ASIC2: variants seen among roughly 807,000 people sequenced by gnomAD.
The protein encoded by ASIC2 is acid-sensing ion channel 2.
Under a neutral mutation model 57.3 loss-of-function variants are expected in ASIC2, and 25 were observed. The observed-to-expected ratio is 0.44, with a 90% CI of 0.32 to 0.61. The LOEUF is 0.61. Among genes scored for constraint, ASIC2 ranks in the 20% least tolerant of loss-of-function variants. The pLI is 0.06. For missense variants in ASIC2, 641 were observed against 738.1 expected (o/e 0.87, Z 1.52); for synonymous variants, 319 against 307.5 (o/e 1.04, Z -0.39).
At chr17:33,831,643 T>C (rs1056400947) in intron 1 of ASIC2, among the ~76,000 whole-genome samples, 1 of 151,666 alleles carries the variant, frequency 6.6e-6, no homozygotes, top group African/African-American at 2.4e-5. Flanking sequence ...CTACTCCTGA[T>C]TTGATTTGGG....
At chr17:33,357,222 A>T (rs1908420010) in intron 1 of ASIC2, among the ~76,000 whole-genome samples, 1 of 152,058 alleles carries the variant, frequency 6.6e-6, no homozygotes, top group Non-Finnish European at 1.5e-5. Flanking sequence ...TCACCATCAG[A>T]TCTGAACTCC....
intron 1 of ASIC2, among the ~76,000 whole-genome samples, chr17:33,319,108 T>C (rs892508859): frequency 5.9e-5 from 9 of 152,172 alleles, no homozygotes; most frequent in Non-Finnish European, 8.8e-5. Context: ...CACATGCCTG[T>C]AGTCCCAGCT....
chr17:33,587,640 A>T (rs719464), intron 1 of ASIC2, among the ~76,000 whole-genome samples: 75,096 of 151,756 alleles, frequency 0.49, 19,089 homozygotes, highest in African/African-American at 0.62. Context: ...GTCATGATTC[A>T]TGCCTTGAGG....
intron 1 of ASIC2, among the ~76,000 whole-genome samples, chr17:33,595,101 C>T (rs1251843804): frequency 6.6e-6 from 1 of 152,074 alleles, no homozygotes; most frequent in Non-Finnish European, 1.5e-5. Context: ...CGGCAAGTAC[C>T]TGTGGTTCCA....
chr17:33,910,392 C>A (rs982978340), intron 1 of ASIC2, among the ~76,000 whole-genome samples: 13 of 152,108 alleles, frequency 8.5e-5, no homozygotes, highest in African/African-American at 3.1e-4. Context: ...AGCCAGGGAG[C>A]AAACCCAAGC....
chr17:34,156,047 A>G lies in ASIC2; in HGVS notation c.486T>C (p.His162=). 1 of 1,613,982 alleles carries G rather than the reference A, an allele frequency of 6.2e-7. No homozygotes were observed. Among genetic ancestry groups the G allele is most frequent in the Non-Finnish European group, 8.5e-7 (1 of 1,180,010 alleles). The stretch of plus-strand genomic sequence containing the variant: ...AGTAGAGCATCATATCCTTCAGGTC[A>G]TGGCCCACACGGTGCAGGAACTCCA... The change falls in exon 1 of 10, where the codon CAT becomes CAC. Residue 162 remains histidine, a synonymous_variant. Coordinates refer to the ASIC2 transcript ENST00000359872. This position sits in a 1 kb window ranked among gnomAD's most constrained non-coding sequence, Gnocchi z 4.4.
chr17:33,999,751 A>G (rs553512779), intron 1 of ASIC2, among the ~76,000 whole-genome samples: 86 of 152,242 alleles, frequency 5.6e-4, no homozygotes, highest in African/African-American at 2.0e-3. Context: ...TTATTTTAAT[A>G]TCTTTTCCTT....
rs1258346130 is a variant in ASIC2 at position 33,537,998 on chromosome 17, G to GA, written c.556-425932_556-425931insT. Among the ~76,000 whole-genome samples the GA allele has an allele frequency of 9.2e-5, 14 of 152,336 alleles. No individual in the cohort carries two copies. In the East Asian group the frequency reaches 2.1e-3, roughly 23 times the overall value. On this transcript the variant is annotated intron_variant, in intron 1 of 9. Transcript: ENST00000359872. ...AGTTACTTAACCTCTCTGATTCTCA[G>GA]TTTTCTCTGTAGAAAAGGGTTAATG...
At position 33,198,283 on chromosome 17, in the gene ASIC2, T is replaced by C. The variant is rs147484218; in HGVS notation, c.709-86216A>G. Among the ~76,000 whole-genome samples, 1,405 of 152,246 alleles carry C rather than the reference T, an allele frequency of 9.2e-3. 10 individuals carry two copies. The highest frequency in any genetic ancestry group is 0.02 in the South Asian group (95 of 4,818). On this transcript the variant is annotated intron_variant, in intron 1 of 9. Coordinates refer to ENST00000225823, the MANE Select transcript of ASIC2 (RefSeq NM_183377.2). ...GGGAGGATCCCTTGAACTCGGGAGGTCCAGACTGCAGGGAGCCATGTTTGC... is the reference window on the plus strand; with the variant it reads ...GGGAGGATCCCTTGAACTCGGGAGGCCCAGACTGCAGGGAGCCATGTTTGC...
At chr17:33,746,515 T>C (rs944129863) in intron 1 of ASIC2, among the ~76,000 whole-genome samples, 34 of 151,514 alleles carry the variant, frequency 2.2e-4, no homozygotes, top group African/African-American at 8.0e-4. Flanking sequence ...TATGTGTGTG[T>C]ATATATGTGT....
chr17:33,779,325 C>T (rs1484082217), intron 1 of ASIC2, among the ~76,000 whole-genome samples: 1 of 152,118 alleles, frequency 6.6e-6, no homozygotes, highest in Non-Finnish European at 1.5e-5. Context: ...AGATTTATCT[C>T]AACCGCTCAA....
intron 1 of ASIC2, chr17:34,071,902 A>T (rs1365661601): frequency 6.6e-6 from 1 of 152,244 alleles, no homozygotes. Flanking sequence ...GGCTAAGAAA[A>T]AAAGAATGTC....
chr17:33,749,351 C>T (rs1255168624), intron 1 of ASIC2, among the ~76,000 whole-genome samples: 1 of 151,746 alleles, frequency 6.6e-6, no homozygotes, highest in East Asian at 2.0e-4. Flanking sequence ...GGGAGGAGAG[C>T]GGCGAGGCGT....
chr17:33,171,896 C>A (rs1905535708), intron 1 of ASIC2, among the ~76,000 whole-genome samples: 2 of 152,232 alleles, frequency 1.3e-5, no homozygotes, highest in Admixed American at 1.3e-4. Context: ...GAAAGCCCTT[C>A]TCTGCCCTGC....
At chr17:33,417,715 A>G (rs573231072) in intron 1 of ASIC2, among the ~76,000 whole-genome samples, 1 of 152,188 alleles carries the variant, frequency 6.6e-6, no homozygotes, top group South Asian at 2.1e-4. Context: ...CCCTCTGCAC[A>G]TTCCCCTCCT....
intron 1 of ASIC2, among the ~76,000 whole-genome samples, chr17:33,904,187 A>AAAG (rs1915297187): frequency 6.6e-6 from 1 of 150,686 alleles, no homozygotes; most frequent in Non-Finnish European, 1.5e-5. Flanking sequence ...AAAAAAAAAA[A>AAAG]GAATTATAGC....
At chr17:33,683,758 G>A (rs987547638) in intron 1 of ASIC2, among the ~76,000 whole-genome samples, 1 of 152,198 alleles carries the variant, frequency 6.6e-6, no homozygotes, top group East Asian at 1.9e-4. Context: ...GCCCAGGCTG[G>A]TCTCAAACTC....
chr17:33,708,316 T>C (rs1904464117), intron 1 of ASIC2, among the ~76,000 whole-genome samples: 1 of 152,254 alleles, frequency 6.6e-6, no homozygotes, highest in South Asian at 2.1e-4. Flanking sequence ...TGGCTTTCTT[T>C]GCTATGCAAA....
chr17:33,128,500 C>T (rs564538861), intron 1 of ASIC2, among the ~76,000 whole-genome samples: 27 of 152,294 alleles, frequency 1.8e-4, no homozygotes, highest in Middle Eastern at 6.8e-3. Flanking sequence ...TCCTTGGGCT[C>T]CACACCCACC....
Sources: allele counts gnomAD v4.1 joint callset (sites outside exome capture counted in the v4.1 genomes callset), GRCh38; gene constraint gnomAD v4.1.1; non-coding constraint Gnocchi (gnomAD v3.1); transcripts MANE v1.5; gene names NCBI Gene and HGNC (gene_info 2026-07-23, HGNC 2026-07-21).